The following PIGV variants were observed in gnomAD, a reference collection of about 807,000 sequenced individuals.
PIGV encodes phosphatidylinositol glycan anchor biosynthesis class V.
In PIGV, 27 loss-of-function variants were observed where a neutral mutation model predicts 39.2. The ratio of observed to expected loss-of-function variants is 0.69; its 90% CI spans 0.51 to 0.95. PIGV has a LOEUF of 0.95. Ranked by LOEUF, PIGV falls within the 40% of genes least tolerant of loss-of-function variation. PIGV has a pLI of 0.00. For synonymous variants in PIGV, 232 were observed against 241.7 expected, an observed-to-expected ratio of 0.96 and a Z score of 0.37; for missense variants, 523 against 586.4, an observed-to-expected ratio of 0.89 and a Z score of 1.12.
At chr1:26,789,454 G>A (rs2124176829) in intron 1 of PIGV, among the ~76,000 whole-genome samples, 1 of 152,294 alleles carries the variant, frequency 6.6e-6, no homozygotes, top group South Asian at 2.1e-4. Flanking sequence ...CTTGACATGA[G>A]ATATGATGGG....
Position 26,797,568 on chromosome 1 carries a change from C to T in PIGV, c.1206C>T (p.Leu402=). The change falls in exon 4 of 4, where the codon CTC becomes CTT. Residue 402 remains leucine, a synonymous_variant. Transcript: ENST00000674202. The stretch of plus-strand genomic sequence containing the variant: ...TCCCCTCTCATGATTTCTAGGTTCT[C>T]ACCAGGTTTTTGGGCTCCTCCACTC... ...FGGLCMHVQV[L]TRFLGSSTPI... is the part of the protein sequence containing the mutation. 1.2e-6 allele frequency: 2 copies of T among 1,613,856 alleles called. No homozygotes were observed. Among genetic ancestry groups the T allele is most frequent in the Non-Finnish European group, 1.7e-6 (2 of 1,179,762 alleles).
intron 2 of PIGV, among the ~76,000 whole-genome samples, chr1:26,793,133 A>G (rs1338950141): frequency 6.6e-6 from 1 of 151,874 alleles, no homozygotes; most frequent in African/African-American, 2.4e-5. Context: ...CTACCCAGCA[A>G]TTCTCCCCTC....
chr1:26,790,356 T>C (rs1000262068), intron 1 of PIGV, among the ~76,000 whole-genome samples: 1 of 152,068 alleles, frequency 6.6e-6, no homozygotes, highest in Non-Finnish European at 1.5e-5. Flanking sequence ...TTCACCATCA[T>C]GACAATTTTG....
At chr1:26,792,773 T>C (rs938484140) in intron 2 of PIGV, among the ~76,000 whole-genome samples, 1 of 152,252 alleles carries the variant, frequency 6.6e-6, no homozygotes, top group Admixed American at 6.5e-5. Context: ...TTTTGGCTCC[T>C]GGTTCACTGT....
intron 3 of PIGV, among the ~76,000 whole-genome samples, chr1:26,796,938 C>A (rs1388569640): frequency 1.3e-5 from 2 of 152,218 alleles, no homozygotes; most frequent in Non-Finnish European, 2.9e-5. Context: ...CCATGCCGAC[C>A]TCTTAGCAGT....
At chr1:26,791,014 G>A (rs2081301986) in intron 2 of PIGV, 121 bp downstream of exon 2, 15 of 801,596 alleles carry the variant, frequency 1.9e-5, no homozygotes, top group Middle Eastern at 2.5e-4. Context: ...TGGAACCACA[G>A]AGACATAGAC....
Position 26,790,685 on chromosome 1 carries a change from G to T in PIGV, c.-57-74G>T. ...GTTTGTCATAGTAATTCTGAGAGGG[G>T]AGGTTCCAGTGACGAATGCTTTCAA... is the stretch of plus-strand genomic sequence containing the variant. On this transcript the variant is annotated intron_variant, in intron 1 of 3. Transcript: ENST00000674202. The T allele has an allele frequency of 7.0e-6, 5 of 713,238 alleles. No individual in the cohort carries two copies. In the Admixed American group the frequency reaches 8.4e-5, roughly 12 times the overall value. 44.2% of individuals were successfully genotyped at this position (713,238 alleles called of 1,614,324 possible).
intron 2 of PIGV, among the ~76,000 whole-genome samples, chr1:26,792,389 G>A (rs1285884203): frequency 6.6e-6 from 1 of 150,430 alleles, no homozygotes; most frequent in East Asian, 1.9e-4. Context: ...CTGCAGTGGC[G>A]CAATCTCGGC....
At chr1:26,791,405 A>C (rs966059785) in intron 2 of PIGV, among the ~76,000 whole-genome samples, 4 of 151,194 alleles carry the variant, frequency 2.6e-5, no homozygotes, top group Non-Finnish European at 4.4e-5. Context: ...CCCACACACA[A>C]CTCTCAGTGC....
At chr1:26,793,555 C>G (rs970036787) in intron 2 of PIGV, among the ~76,000 whole-genome samples, 47 of 152,292 alleles carry the variant, frequency 3.1e-4, no homozygotes, top group African/African-American at 1.1e-3. Context: ...TTTTCATCCT[C>G]TTTCTAGCCT....
chr1:26,792,601 A>G (rs1489488957), intron 2 of PIGV, among the ~76,000 whole-genome samples: 1 of 152,210 alleles, frequency 6.6e-6, no homozygotes, highest in East Asian at 1.9e-4. Context: ...TGCTGGGATT[A>G]CAGGCGTGAG....
Position 26,790,888 on chromosome 1 carries a change from C to G in PIGV, c.73C>G (p.Leu25Val). The change falls in exon 2 of 4, where the codon CTG becomes GTG. Residue 25 changes from leucine (L) to valine (V), a missense_variant. Physicochemically the swap from Leu to Val is conservative, Grantham distance 32. Coordinates refer to ENST00000674202, the MANE Select transcript of PIGV (RefSeq NM_017837.4). ...AVSCRILTLM[L>V]QALFNAIIPD... ...CAGCTGCCGTATCCTGACTCTGATGCTGCAGGTCAGTCTCCCATCCTTTGT... is the reference window on the plus strand; with the variant it reads ...CAGCTGCCGTATCCTGACTCTGATGGTGCAGGTCAGTCTCCCATCCTTTGT... 6.2e-7 allele frequency: 1 copy of G among 1,612,796 alleles called. No homozygotes were observed. Among genetic ancestry groups the G allele is most frequent in the Non-Finnish European group, 8.5e-7 (1 of 1,178,782 alleles).
Position 26,790,743 on chromosome 1 carries a change from C to T in PIGV, c.-57-16C>T, listed in dbSNP as rs2081298239. ...CTTTCACTCGATGTGTGACATTTTC[C>T]TCCTTTGGGGTTTAGAGGCCTGAGG... On this transcript the variant is annotated splice_polypyrimidine_tract_variant and intron_variant, in intron 1 of 3. Coordinates refer to ENST00000674202, the MANE Select transcript of PIGV (RefSeq NM_017837.4). 3.3e-6 allele frequency: 4 copies of T among 1,212,098 alleles called. No homozygotes were observed. The highest frequency in any genetic ancestry group is 4.9e-6 in the Non-Finnish European group (4 of 814,866). The allele number at this position is 1,212,098 out of a possible 1,614,324, so 75.1% of individuals were successfully genotyped here.
intron 2 of PIGV, 80 bp from the exon 3 acceptor site, chr1:26,794,033 C>A: frequency 7.3e-7 from 1 of 1,364,990 alleles, no homozygotes; most frequent in Non-Finnish European, 1.0e-6. Context: ...ATGAGCCTGG[C>A]CTTCTTCCTC....
chr1:26,796,545 G>A (rs192508090), intron 3 of PIGV, among the ~76,000 whole-genome samples: 1 of 152,090 alleles, frequency 6.6e-6, no homozygotes, highest in Non-Finnish European at 1.5e-5. Flanking sequence ...CTTGAGAAAG[G>A]CATCATATTT....
At chr1:26,796,821 A>G (rs2081390321) in intron 3 of PIGV, among the ~76,000 whole-genome samples, 1 of 152,226 alleles carries the variant, frequency 6.6e-6, no homozygotes, top group South Asian at 2.1e-4. Context: ...ACCTTAACCA[A>G]TGTTTTGGGT....
chr1:26,793,725 C>G (rs187333145), intron 2 of PIGV, among the ~76,000 whole-genome samples: 3 of 152,286 alleles, frequency 2.0e-5, no homozygotes, highest in East Asian at 1.9e-4. Flanking sequence ...TCTCAGCCCC[C>G]CCAAGTAGCT....
chr1:26,792,846 G>A lies in PIGV; in HGVS notation c.79-1267G>A, dbSNP rs78055758. 1.1e-3 allele frequency among the ~76,000 whole-genome samples: 163 copies of A among 152,324 alleles called. 2 individuals carry two copies. The East Asian group carries it at 0.029, about 27-fold the overall frequency. ...ATTTCATTATTAATGAAGATGATGT[G>A]TGCAGTGTCCTGAAAAGAGTCTATC... is the stretch of plus-strand genomic sequence containing the variant. On this transcript the variant is annotated intron_variant, in intron 2 of 3. Transcript: ENST00000674202.
rs1031475070 is a variant in PIGV at position 26,799,146 on chromosome 1, T to C, written c.*1302T>C. Among the ~76,000 whole-genome samples the C allele has an allele frequency of 6.6e-5, 10 of 152,158 alleles. No homozygotes were observed. The highest frequency in any genetic ancestry group is 2.2e-4 in the African/African-American group (9 of 41,444). ...CACCGAGTGCAACTCTTGGGAGTAA[T>C]TTAGGTGGTCTTTCCTTTCAATGAG... On this transcript the variant is annotated 3_prime_UTR_variant, in exon 4 of 4. Transcript: ENST00000674202.
Sources: gnomAD v4.1 joint callset for allele counts (sites outside exome capture counted in the v4.1 genomes callset) on GRCh38, gnomAD v4.1.1 for gene constraint, MANE v1.5 for transcripts, NCBI Gene and HGNC (gene_info 2026-07-23, HGNC 2026-07-21) for gene names.